The following XG variants were observed in gnomAD, a reference collection of about 807,000 sequenced individuals.
XG encodes the protein Xg glycoprotein (Xg blood group).
XG carries 24 observed loss-of-function variants against 25.7 expected under a neutral mutation model. The observed-to-expected ratio is 0.93, with a 90% CI of 0.68 to 1.31. The LOEUF (loss-of-function observed/expected upper bound fraction) is 1.31, where lower values mean the gene tolerates loss of function less well. XG is among the 40% of genes most tolerant of loss of function. The pLI, the probability that XG is intolerant of heterozygous loss-of-function variation, is 0.00. For synonymous variants in XG, 77 were observed against 69.2 expected, an observed-to-expected ratio of 1.11 and a Z score of -0.56; for missense variants, 181 against 187.6, an observed-to-expected ratio of 0.96 and a Z score of 0.21.
chrX:2,769,401 C>G (rs1343402983), intron 1 of XG, among the ~76,000 whole-genome samples: 4 of 152,218 alleles, frequency 2.6e-5, no homozygotes, highest in African/African-American at 9.6e-5. Flanking sequence ...TTGCCCTGAA[C>G]TTCCCAGAAC....
At chrX:2,772,395 AG>A (rs1210573561) in intron 2 of XG, among the ~76,000 whole-genome samples, 32 of 152,246 alleles carry the variant, frequency 2.1e-4, no homozygotes, top group Admixed American at 1.5e-3. Context: ...GTAAAAAGGA[AG>A]GGGGTTCTGA....
intron 1 of XG, among the ~76,000 whole-genome samples, chrX:2,765,464 G>A (rs910283205): frequency 1.3e-5 from 2 of 151,916 alleles, no homozygotes; most frequent in Non-Finnish European, 2.9e-5. Flanking sequence ...CAGATCAAAG[G>A]ACATTGGATT....
chrX:2,805,394 G>T (rs1388526041), intron 7 of XG, among the ~76,000 whole-genome samples: 1 of 112,170 alleles, frequency 8.9e-6, no homozygotes, highest in Non-Finnish European at 1.9e-5. Context: ...TGAGATCAAG[G>T]TGTGAGCAGG....
intron 6 of XG, 118 bp downstream of exon 6, chrX:2,794,721 C>T (rs765368862): frequency 2.6e-5 from 22 of 839,440 alleles, no homozygotes; most frequent in Middle Eastern, 2.8e-4. Context: ...GACGAGCAGA[C>T]GATAAGCTGG....
chrX:2,799,039 T>G, intron 7 of XG, among the ~76,000 whole-genome samples: 1 of 110,797 alleles, frequency 9.0e-6, no homozygotes, highest in Non-Finnish European at 1.9e-5. Context: ...ACGCAAACCT[T>G]CAGAACCAAG....
chrX:2,804,723 C>T (rs1327345591), intron 7 of XG, among the ~76,000 whole-genome samples: 1 of 111,612 alleles, frequency 9.0e-6, no homozygotes, highest in Non-Finnish European at 1.9e-5. Context: ...TCCTGTTTTC[C>T]TGTGAAGTTA....
intron 7 of XG, among the ~76,000 whole-genome samples, chrX:2,801,487 G>T (rs2086936938): frequency 9.0e-6 from 1 of 111,042 alleles, no homozygotes; most frequent in Admixed American, 9.6e-5. Context: ...CTTCTACATA[G>T]TGCGTGGGGA....
At chrX:2,807,505 CATGTGCACACATCGGTGTGTGCAT>C (rs1465411300) in intron 8 of XG, among the ~76,000 whole-genome samples, 7 of 5,610 alleles carry the variant, frequency 1.2e-3, no homozygotes, top group East Asian at 0.048. Context: ...CAGGTGTAAA[CATGTGCACACATCGGTGTGTGCAT>C]GTGCACACAT....
At chrX:2,807,801 C>T (rs1207281900) in intron 8 of XG, among the ~76,000 whole-genome samples, 1 of 112,126 alleles carries the variant, frequency 8.9e-6, no homozygotes, top group Non-Finnish European at 1.9e-5. Flanking sequence ...TATGCATGTG[C>T]ACACACATTT....
chrX:2,758,453 A>C (rs1239785182), intron 1 of XG, among the ~76,000 whole-genome samples: 1 of 152,222 alleles, frequency 6.6e-6, no homozygotes, highest in Non-Finnish European at 1.5e-5. Context: ...CTCCGTGTGC[A>C]ACCGTGTGGT....
At chrX:2,800,418 T>C (rs917547646) in intron 7 of XG, among the ~76,000 whole-genome samples, 2 of 112,497 alleles carry the variant, frequency 1.8e-5, no homozygotes, top group African/African-American at 6.5e-5. Flanking sequence ...CTCAGTCTGC[T>C]GGCCCTGGAG....
chrX:2,764,750 T>TA (rs2050637117), intron 1 of XG, among the ~76,000 whole-genome samples: 2 of 151,652 alleles, frequency 1.3e-5, no homozygotes, highest in Admixed American at 6.6e-5. Flanking sequence ...TGTAAAGAAA[T>TA]AAAAAATAGG....
chrX:2,783,796 G>A (rs368264152), intron 4 of XG, among the ~76,000 whole-genome samples: 1 of 112,452 alleles, frequency 8.9e-6, no homozygotes, highest in Non-Finnish European at 1.9e-5. Context: ...CCAACATGGC[G>A]AAACCCTGTC....
At chrX:2,759,144 G>A (rs2050505338) in intron 1 of XG, among the ~76,000 whole-genome samples, 1 of 152,056 alleles carries the variant, frequency 6.6e-6, no homozygotes, top group East Asian at 1.9e-4. Context: ...GTAACACTTG[G>A]CAATGTCTGG....
chrX:2,769,526 G>A (rs1490579192), intron 1 of XG, among the ~76,000 whole-genome samples: 1 of 152,192 alleles, frequency 6.6e-6, no homozygotes, highest in Non-Finnish European at 1.5e-5. Flanking sequence ...CATAGTAAGT[G>A]CTGACTCAAT....
rs1345430005 is a variant in XG at position 2,782,094 on chromosome X, C to T, written c.156C>T (p.Tyr52=). The T allele has an allele frequency of 1.7e-6, 2 of 1,210,274 alleles. No individual in the cohort carries two copies. Among genetic ancestry groups the T allele is most frequent in the South Asian group, 1.8e-5 (1 of 56,814 alleles). ...SDIYPKPKPP[Y]YPQPENPDSG... is the part of the protein sequence containing the mutation. ...TCTACCCAAAGCCAAAACCACCTTA[C>T]TACCCACAGCCCGAGAATCCCGACA... The change falls in exon 4 of 11, where the codon TAC becomes TAT. Residue 52 remains tyrosine (Y), a synonymous_variant. Coordinates refer to ENST00000644266, the MANE Select transcript of XG (RefSeq NM_001141919.2).
At chrX:2,783,144 C>G (rs1970797) in intron 4 of XG, among the ~76,000 whole-genome samples, 1 of 110,195 alleles carries the variant, frequency 9.1e-6, no homozygotes, top group African/African-American at 3.3e-5. Context: ...CAAGTCCTTT[C>G]TCTCACTTGT....
At chrX:2,794,075 G>A (rs1349188796) in intron 5 of XG, among the ~76,000 whole-genome samples, 1 of 110,872 alleles carries the variant, frequency 9.0e-6, no homozygotes, top group African/African-American at 3.3e-5. Context: ...GGTGATGTTG[G>A]CTCATCCAGG....
chrX:2,767,765 G>C (rs2050731694), intron 1 of XG, among the ~76,000 whole-genome samples: 1 of 152,196 alleles, frequency 6.6e-6, no homozygotes, highest in Non-Finnish European at 1.5e-5. Context: ...TGCCTGGCAT[G>C]CGGGACTGGA....
Sources: allele counts gnomAD v4.1 joint callset (sites outside exome capture counted in the v4.1 genomes callset), GRCh38; gene constraint gnomAD v4.1.1; transcripts MANE v1.5; gene names NCBI Gene and HGNC (gene_info 2026-07-23, HGNC 2026-07-21).